NTM: variants seen among roughly 807,000 people sequenced by gnomAD.
NTM encodes neurotrimin.
In NTM, 13 loss-of-function variants were observed where a neutral mutation model predicts 42.1. The ratio of observed to expected loss-of-function variants is 0.31; its 90% CI spans 0.20 to 0.49. NTM has a LOEUF of 0.49. Among genes scored for constraint, NTM ranks in the 20% least tolerant of loss-of-function variants. The pLI, the probability that NTM is intolerant of heterozygous loss-of-function variation, is 0.99. For synonymous variants in NTM, 187 were observed against 179.2 expected (o/e 1.04, Z -0.35); for missense variants, 373 against 452.8 (o/e 0.82, Z 1.60).
intron 2 of NTM, among the ~76,000 whole-genome samples, chr11:131,948,818 AC>A (rs1456680313): frequency 6.6e-6 from 1 of 152,152 alleles, no homozygotes; most frequent in East Asian, 1.9e-4. Context: ...GGTTTGTAAA[AC>A]TTTATTTTAT....
At chr11:132,194,814 C>CTTTTTTTTT (rs902871492) in intron 3 of NTM, among the ~76,000 whole-genome samples, 9 of 110,644 alleles carry the variant, frequency 8.1e-5, no homozygotes, top group East Asian at 5.4e-4. Context: ...GCATTTCTTC[C>CTTTTTTTTT]TTTTTTTTTT....
chr11:132,333,027 C>T (rs773817034), intron 8 of NTM, among the ~76,000 whole-genome samples: 3 of 152,120 alleles, frequency 2.0e-5, no homozygotes, highest in Non-Finnish European at 4.4e-5. Context: ...TTCAGGAGAG[C>T]ACAAGGGATG....
chr11:131,383,606 G>T (rs1217439424), intron 1 of NTM, among the ~76,000 whole-genome samples: 1 of 152,156 alleles, frequency 6.6e-6, no homozygotes, highest in East Asian at 1.9e-4. Flanking sequence ...TTTGTATGGG[G>T]TGATGGGAGG....
chr11:132,006,902 G>A (rs1188138088), intron 2 of NTM, among the ~76,000 whole-genome samples: 1 of 152,172 alleles, frequency 6.6e-6, no homozygotes, highest in Non-Finnish European at 1.5e-5. Context: ...CTCCTTTGTG[G>A]AGAAGAACAT....
At chr11:131,401,475 T>C (rs1379190147) in intron 1 of NTM, among the ~76,000 whole-genome samples, 2 of 151,986 alleles carry the variant, frequency 1.3e-5, no homozygotes, top group African/African-American at 4.8e-5. Context: ...CTCTTAATGT[T>C]GTTATAAGCG....
chr11:132,142,678 GAC>G (rs1471047095), intron 2 of NTM, among the ~76,000 whole-genome samples: 1 of 152,132 alleles, frequency 6.6e-6, no homozygotes, highest in Non-Finnish European at 1.5e-5. Flanking sequence ...ACCCAGCAGT[GAC>G]AGTTTGGACA....
At chr11:131,912,137 C>T (rs1206101728) in intron 2 of NTM, among the ~76,000 whole-genome samples, 1 of 152,208 alleles carries the variant, frequency 6.6e-6, no homozygotes, top group Admixed American at 6.5e-5. Flanking sequence ...CTGCTTTGTC[C>T]TGGGCCTGAC....
At chr11:131,921,115 C>T (rs1210899119) in intron 2 of NTM, among the ~76,000 whole-genome samples, 1 of 152,138 alleles carries the variant, frequency 6.6e-6, no homozygotes, top group African/African-American at 2.4e-5. Context: ...CTGTGGTTTA[C>T]GGGTTGAATT....
chr11:132,301,644 C>A (rs2094863909), intron 4 of NTM, among the ~76,000 whole-genome samples: 1 of 152,202 alleles, frequency 6.6e-6, no homozygotes, highest in Admixed American at 6.5e-5. Flanking sequence ...TCCTTGAGGT[C>A]AGCCTGGGTT....
chr11:131,868,449 C>T (rs546970866), intron 1 of NTM, among the ~76,000 whole-genome samples: 1 of 152,306 alleles, frequency 6.6e-6, no homozygotes, highest in African/African-American at 2.4e-5. Flanking sequence ...CAAGGTTAAC[C>T]TTCCAGCCCA....
intron 1 of NTM, among the ~76,000 whole-genome samples, chr11:131,810,470 G>A (rs1316389741): frequency 6.6e-6 from 1 of 152,168 alleles, no homozygotes; most frequent in East Asian, 1.9e-4. Context: ...GTGGACTCTG[G>A]TAGATGAATG....
intron 2 of NTM, among the ~76,000 whole-genome samples, chr11:131,961,448 A>G (rs1593206212): frequency 6.6e-6 from 1 of 152,220 alleles, no homozygotes; most frequent in South Asian, 2.1e-4. Flanking sequence ...CCCGTCAAGT[A>G]ATCCTTGACT....
intron 1 of NTM, among the ~76,000 whole-genome samples, chr11:131,748,878 C>A (rs985516156): frequency 1.3e-5 from 2 of 152,194 alleles, no homozygotes; most frequent in African/African-American, 2.4e-5. Context: ...CAGTGCCAGG[C>A]GGCCCTGCTT....
At chr11:132,297,821 T>C (rs971473412) in intron 4 of NTM, among the ~76,000 whole-genome samples, 31 of 152,148 alleles carry the variant, frequency 2.0e-4, no homozygotes, top group African/African-American at 7.5e-4. Context: ...GGGCTCCTTT[T>C]ACATCCTTTT....
chr11:131,432,345 T>A (rs778137674), intron 1 of NTM, among the ~76,000 whole-genome samples: 2 of 152,202 alleles, frequency 1.3e-5, no homozygotes, highest in Admixed American at 6.5e-5. Context: ...TAAATAATTA[T>A]CTCATTACAA....
intron 4 of NTM, among the ~76,000 whole-genome samples, chr11:132,238,608 C>G (rs1391670032): frequency 6.6e-6 from 1 of 152,152 alleles, no homozygotes; most frequent in African/African-American, 2.4e-5. Context: ...CCTCCCAGAG[C>G]TCTGGCCATT....
At chr11:132,092,914 T>A (rs944026980) in intron 2 of NTM, among the ~76,000 whole-genome samples, 1 of 152,210 alleles carries the variant, frequency 6.6e-6, no homozygotes, top group Admixed American at 6.5e-5. Context: ...TAACTCAAGC[T>A]GCCTGATCTC....
intron 1 of NTM, among the ~76,000 whole-genome samples, chr11:131,482,178 A>G (rs1953676552): frequency 6.6e-6 from 1 of 152,150 alleles, no homozygotes; most frequent in Admixed American, 6.5e-5. Flanking sequence ...GCTACCTTTT[A>G]TATTCTGTAA....
intron 7 of NTM, among the ~76,000 whole-genome samples, chr11:132,328,052 G>A (rs565653159): frequency 2.6e-5 from 4 of 152,128 alleles, no homozygotes; most frequent in Non-Finnish European, 5.9e-5. Context: ...GCCAGGACTA[G>A]CTTTGGTGGC....
Sources: allele counts gnomAD v4.1 joint callset (sites outside exome capture counted in the v4.1 genomes callset), GRCh38; gene constraint gnomAD v4.1.1; transcripts MANE v1.5; gene names NCBI Gene and HGNC (gene_info 2026-07-23, HGNC 2026-07-21).